LRMDA: variants seen among roughly 807,000 people sequenced by gnomAD.
The protein encoded by LRMDA is leucine rich melanocyte differentiation associated.
In LRMDA, 18 loss-of-function variants were observed where a neutral mutation model predicts 29.8. The observed-to-expected ratio is 0.60, with a 90% confidence interval of 0.42 to 0.90. The LOEUF (loss-of-function observed/expected upper bound fraction) is 0.90. Ranked by LOEUF, LRMDA falls within the 40% of genes least tolerant of loss-of-function variation. The pLI is 0.00. For synonymous variants in LRMDA, 125 were observed against 109.4 expected (o/e 1.14, Z -0.89); for missense variants, 273 against 273.9 (o/e 1.00, Z 0.02).
At chr10:75,715,027 T>C (rs900000537) in intron 2 of LRMDA, among the ~76,000 whole-genome samples, 4 of 152,180 alleles carry the variant, frequency 2.6e-5, no homozygotes, top group Non-Finnish European at 5.9e-5. Flanking sequence ...GCTTCCATGA[T>C]ATTCACATCC....
At chr10:76,291,032 C>T (rs547866158) in intron 5 of LRMDA, among the ~76,000 whole-genome samples, 13 of 152,208 alleles carry the variant, frequency 8.5e-5, no homozygotes, top group South Asian at 2.1e-4. Flanking sequence ...TTCAAAATGA[C>T]GGGTTTTGGG....
In LRMDA at chr10:76,036,026, C is replaced by T. The variant is rs1848236536; in HGVS notation, c.150C>T (p.Ser50=). 1 of 1,613,882 alleles carries T rather than the reference C, an allele frequency of 6.2e-7. No homozygotes were observed. Among genetic ancestry groups the T allele is most frequent in the Non-Finnish European group, 8.5e-7 (1 of 1,179,920 alleles). ...ATTGCAGGTCACTGGAAGGACTGAG[C>T]GCATTCAGGAGCCTGGAGGAACTCA... The part of the protein sequence containing the change: ...FNLLRSLEGL[S]AFRSLEELIL... The change falls in exon 3 of 7, where the codon AGC becomes AGT. Residue 50 remains serine (S), a synonymous_variant. Transcript: ENST00000611255.
At chr10:76,492,843 G>A (rs1007906345) in intron 6 of LRMDA, among the ~76,000 whole-genome samples, 4 of 152,000 alleles carry the variant, frequency 2.6e-5, no homozygotes, top group African/African-American at 9.7e-5. Flanking sequence ...ATGAGACACA[G>A]CATGGGGGAA....
At chr10:75,624,346 C>T (rs1841224634) in intron 2 of LRMDA, among the ~76,000 whole-genome samples, 1 of 152,104 alleles carries the variant, frequency 6.6e-6, no homozygotes, top group African/African-American at 2.4e-5. Flanking sequence ...AGTTAATATA[C>T]ACATATCCCT....
chr10:76,212,901 A>G (rs891779240), intron 5 of LRMDA, among the ~76,000 whole-genome samples: 1 of 152,182 alleles, frequency 6.6e-6, no homozygotes, highest in Non-Finnish European at 1.5e-5. Flanking sequence ...GAATCAGGCA[A>G]TGTCCATAAA....
intron 5 of LRMDA, among the ~76,000 whole-genome samples, chr10:76,191,487 T>A (rs989292977): frequency 1.3e-5 from 2 of 152,224 alleles, no homozygotes; most frequent in African/African-American, 4.8e-5. Context: ...AAGAGGCTGA[T>A]GCCCATGACT....
chr10:75,987,356 T>G (rs1461241446), intron 2 of LRMDA, among the ~76,000 whole-genome samples: 2 of 152,166 alleles, frequency 1.3e-5, no homozygotes, highest in East Asian at 3.9e-4. Context: ...TTGTGGAGAG[T>G]TATCCTGAGC....
In LRMDA at chr10:75,431,668, G is replaced by C. The variant is rs1269087660; in HGVS notation, c.-57G>C. On this transcript the variant is annotated 5_prime_UTR_variant, in exon 1 of 7. Transcript: ENST00000611255. ...GCCGCGCTCCCCTGCCGCGCTCCCC[G>C]CTGCTGCCGCCGCGCCCCCGCGCTC... 1 of 1,249,380 alleles carries C rather than the reference G, an allele frequency of 8.0e-7. No individual in the cohort carries two copies. The highest frequency in any genetic ancestry group is 4.3e-5 in the Admixed American group (1 of 23,164). 77.4% of individuals were successfully genotyped at this position (1,249,380 alleles called of 1,614,324 possible). A position where few individuals can be genotyped will look rare whatever the true frequency, so the allele number is the denominator to read the frequency against.
At chr10:76,151,762 C>G (rs1850449873) in intron 5 of LRMDA, among the ~76,000 whole-genome samples, 1 of 152,138 alleles carries the variant, frequency 6.6e-6, no homozygotes, top group Admixed American at 6.5e-5. Flanking sequence ...ACACAACATC[C>G]TAACTTAACT....
At chr10:76,552,256 T>C (rs1843505267) in intron 6 of LRMDA, among the ~76,000 whole-genome samples, 2 of 152,268 alleles carry the variant, frequency 1.3e-5, no homozygotes, top group East Asian at 3.9e-4. Context: ...GCTTTAGTTC[T>C]GTTGAATACG....
intron 6 of LRMDA, among the ~76,000 whole-genome samples, chr10:76,512,025 T>C (rs1054159765): frequency 6.6e-6 from 1 of 152,228 alleles, no homozygotes; most frequent in Non-Finnish European, 1.5e-5. Flanking sequence ...CCATATGTTA[T>C]GGGAGGGACC....
chr10:76,027,632 G>C (rs766276314), intron 2 of LRMDA, among the ~76,000 whole-genome samples: 7 of 152,142 alleles, frequency 4.6e-5, no homozygotes, highest in Admixed American at 1.3e-4. Flanking sequence ...TTATAAACTA[G>C]AACAACTAAG....
chr10:75,466,487 T>C (rs1225454996), intron 2 of LRMDA, among the ~76,000 whole-genome samples: 1 of 152,122 alleles, frequency 6.6e-6, no homozygotes, highest in East Asian at 1.9e-4. Context: ...GAATTAGTGG[T>C]TTTCCACCAG....
intron 2 of LRMDA, among the ~76,000 whole-genome samples, chr10:75,752,113 A>G (rs1185603156): frequency 2.0e-5 from 3 of 151,366 alleles, no homozygotes; most frequent in Admixed American, 1.3e-4. Flanking sequence ...GCCTTTAGTA[A>G]TAATTTTTTG....
chr10:75,796,958 A>G (rs1377198896), intron 2 of LRMDA, among the ~76,000 whole-genome samples: 2 of 152,220 alleles, frequency 1.3e-5, no homozygotes, highest in Non-Finnish European at 2.9e-5. Context: ...TGTAAGATTT[A>G]GGGATAAGGG....
intron 6 of LRMDA, among the ~76,000 whole-genome samples, chr10:76,484,053 G>A (rs961032345): frequency 6.6e-6 from 1 of 151,742 alleles, no homozygotes; most frequent in Admixed American, 6.6e-5. Context: ...TACATTTGCC[G>A]TTTTCATTGT....
chr10:75,728,549 C>T (rs1468352192), intron 2 of LRMDA, among the ~76,000 whole-genome samples: 1 of 151,328 alleles, frequency 6.6e-6, no homozygotes, highest in African/African-American at 2.4e-5. Flanking sequence ...AAAGACACAT[C>T]TGAAACTTGA....
At chr10:75,851,942 GTTGAGATCCATGAC>G (rs1481841495) in intron 2 of LRMDA, among the ~76,000 whole-genome samples, 1 of 152,226 alleles carries the variant, frequency 6.6e-6, no homozygotes, top group Non-Finnish European at 1.5e-5. Context: ...GGTCCCTTCG[GTTGAGATCCATGAC>G]TTGTAGCCTT....
intron 5 of LRMDA, among the ~76,000 whole-genome samples, chr10:76,288,487 A>C (rs1840300192): frequency 6.6e-6 from 1 of 152,162 alleles, no homozygotes. Flanking sequence ...CATGGTGAAG[A>C]CGCCAAAAGC....
Sources: allele counts gnomAD v4.1 joint callset (sites outside exome capture counted in the v4.1 genomes callset), GRCh38; gene constraint gnomAD v4.1.1; transcripts MANE v1.5; gene names NCBI Gene and HGNC (gene_info 2026-07-23, HGNC 2026-07-21).